Variants in TRPM3 observed in about 807,000 individuals in gnomAD.
TRPM3 encodes long transient receptor potential channel 3.
In TRPM3, 77 loss-of-function variants were observed where a neutral mutation model predicts 181.2. That is an observed-to-expected ratio of 0.42 (90% CI 0.35 to 0.51). TRPM3 has a LOEUF of 0.51. Among genes scored for constraint, TRPM3 ranks in the 20% least tolerant of loss-of-function variants. The pLI is 0.01. For synonymous variants in TRPM3, 745 were observed against 796.4 expected (o/e 0.94, Z 1.09); for missense variants, 1,759 against 2,196.7 (o/e 0.80, Z 3.98).
chr9:71,227,919 T>C (rs2080794286), intron 1 of TRPM3, among the ~76,000 whole-genome samples: 1 of 152,162 alleles, frequency 6.6e-6, no homozygotes, highest in South Asian at 2.1e-4. Flanking sequence ...AGAGAACTAA[T>C]AGAAACTCTA....
At chr9:71,351,941 T>A (rs2091660113) in intron 1 of TRPM3, among the ~76,000 whole-genome samples, 1 of 150,776 alleles carries the variant, frequency 6.6e-6, no homozygotes, top group Non-Finnish European at 1.5e-5. Context: ...TGTGGCGTGA[T>A]CTTGGCTCAC....
In TRPM3 at chr9:70,868,829, A is replaced by C. The variant is rs1313122514; in HGVS notation, c.178-4318T>G. Among the ~76,000 whole-genome samples the C allele has an allele frequency of 2.0e-5, 3 of 152,056 alleles. No individual in the cohort carries two copies. In the East Asian group the frequency reaches 5.8e-4, roughly 29 times the overall value. The stretch of plus-strand genomic sequence containing the variant: ...TTCAAATGTATACCCTGTCTTCATC[A>C]GAACAAACATCCCCAACCCAAAGGT... On this transcript the variant is annotated intron_variant, in intron 1 of 25. Transcript: ENST00000677713.
chr9:70,987,849 T>C (rs1338333939), intron 1 of TRPM3, among the ~76,000 whole-genome samples: 1 of 152,074 alleles, frequency 6.6e-6, no homozygotes, highest in Non-Finnish European at 1.5e-5. Flanking sequence ...TTAAAAATTT[T>C]ATTTTATGGA....
chr9:71,181,625 A>T (rs2077409409), intron 1 of TRPM3, among the ~76,000 whole-genome samples: 1 of 152,136 alleles, frequency 6.6e-6, no homozygotes, highest in African/African-American at 2.4e-5. Flanking sequence ...GAGGTAAATA[A>T]TATAATTATT....
intron 1 of TRPM3, among the ~76,000 whole-genome samples, chr9:71,437,094 C>T (rs1319316410): frequency 1.3e-5 from 2 of 152,196 alleles, no homozygotes; most frequent in African/African-American, 2.4e-5. Context: ...AAATTAATGC[C>T]ATCACACAGC....
chr9:70,663,647 T>C (rs1352792068), intron 9 of TRPM3, among the ~76,000 whole-genome samples: 1 of 152,238 alleles, frequency 6.6e-6, no homozygotes, highest in African/African-American at 2.4e-5. Flanking sequence ...GTTTTACACA[T>C]CTTTAAGACT....
At chr9:71,079,328 T>C (rs906550198) in intron 1 of TRPM3, among the ~76,000 whole-genome samples, 2 of 152,198 alleles carry the variant, frequency 1.3e-5, no homozygotes, top group Non-Finnish European at 2.9e-5. Flanking sequence ...AAGGAATGAT[T>C]GTGAGGGTAG....
chr9:70,837,814 A>C (rs1379715389), intron 5 of TRPM3, among the ~76,000 whole-genome samples: 1 of 152,202 alleles, frequency 6.6e-6, no homozygotes, highest in Non-Finnish European at 1.5e-5. Flanking sequence ...GTTTACAGTC[A>C]CAGATATGTG....
At chr9:71,019,108 A>G (rs2097817579) in intron 1 of TRPM3, among the ~76,000 whole-genome samples, 1 of 151,990 alleles carries the variant, frequency 6.6e-6, no homozygotes, top group Non-Finnish European at 1.5e-5. Flanking sequence ...TTCAAATGAT[A>G]AAGTTTATCT....
chr9:71,297,431 G>A (rs2086380987), intron 1 of TRPM3, among the ~76,000 whole-genome samples: 2 of 152,132 alleles, frequency 1.3e-5, no homozygotes, highest in Non-Finnish European at 2.9e-5. Context: ...AACGAAAGTG[G>A]TTTAATTGAC....
intron 1 of TRPM3, among the ~76,000 whole-genome samples, chr9:71,139,730 AAAT>A (rs1243765098): frequency 6.6e-6 from 1 of 152,196 alleles, no homozygotes; most frequent in East Asian, 1.9e-4. Context: ...CAGTGCTAAG[AAAT>A]AATAATAATC....
At chr9:71,093,525 A>G (rs1244778440) in intron 1 of TRPM3, among the ~76,000 whole-genome samples, 1 of 152,196 alleles carries the variant, frequency 6.6e-6, no homozygotes, top group East Asian at 1.9e-4. Context: ...TACAAATCAA[A>G]ACCGCAATGA....
intron 6 of TRPM3, among the ~76,000 whole-genome samples, chr9:70,819,799 T>C (rs568813631): frequency 1.8e-4 from 27 of 152,336 alleles, no homozygotes; most frequent in Middle Eastern, 6.8e-3. Flanking sequence ...TACCCAAGGT[T>C]GATGTTCACA....
intron 3 of TRPM3, among the ~76,000 whole-genome samples, chr9:70,852,162 A>AG (rs2095257111): frequency 7.0e-6 from 1 of 142,640 alleles, no homozygotes; most frequent in African/African-American, 2.6e-5. Context: ...AAAAGAGAGA[A>AG]AAAAAATCCC....
rs1038980285 is a variant in TRPM3 at position 71,104,334 on chromosome 9, C to T, written c.177+16844G>A. 3.3e-5 allele frequency among the ~76,000 whole-genome samples: 5 copies of T among 151,840 alleles called. No individual in the cohort carries two copies. The Admixed American group carries it at 3.3e-4, about 10-fold the overall frequency. Reference sequence around the variant, plus strand: ...TTCAGATAGTTAAATGTATAGCCTACTTTAGACTGATTTTCCTTAAAACCC... The same window carrying T: ...TTCAGATAGTTAAATGTATAGCCTATTTTAGACTGATTTTCCTTAAAACCC... On this transcript the variant is annotated intron_variant, in intron 1 of 25. Transcript: ENST00000677713.
At chr9:71,071,588 C>G (rs1212012286) in intron 1 of TRPM3, among the ~76,000 whole-genome samples, 1 of 152,192 alleles carries the variant, frequency 6.6e-6, no homozygotes, top group Non-Finnish European at 1.5e-5. Context: ...ATCCCACATC[C>G]TTTGCTAAAG....
intron 15 of TRPM3, 47 bp from the exon 16 acceptor site, chr9:70,620,412 T>A (rs1368775952): frequency 2.6e-6 from 4 of 1,557,752 alleles, no homozygotes; most frequent in Non-Finnish European, 3.5e-6. Flanking sequence ...AATGAATTGG[T>A]TCATTTCAGC....
rs1325977678 is a variant in TRPM3, at chr9:70,625,342, A to G, written c.1669-11T>C. The G allele has an allele frequency of 1.2e-6, 2 of 1,614,088 alleles. No individual in the cohort carries two copies. The highest frequency in any genetic ancestry group is 1.7e-6 in the Non-Finnish European group (2 of 1,179,978). On this transcript the variant is annotated splice_polypyrimidine_tract_variant and intron_variant, in intron 13 of 25. Coordinates refer to ENST00000677713, the MANE Select transcript of TRPM3 (RefSeq NM_001366145.2). This position sits in a 1 kb window ranked among gnomAD's most constrained non-coding sequence, Gnocchi z 4.8. ...TGGGGGCAGGTTCCCCTATCAGGGT[A>G]GAATGAAACAAACAGACAAATCCAA...
chr9:71,223,235 G>A (rs2080355300), intron 1 of TRPM3, among the ~76,000 whole-genome samples: 1 of 152,168 alleles, frequency 6.6e-6, no homozygotes, highest in African/African-American at 2.4e-5. Context: ...CAGAAGGACA[G>A]GGCACCAGTC....
Sources: allele counts gnomAD v4.1 joint callset (sites outside exome capture counted in the v4.1 genomes callset), GRCh38; gene constraint gnomAD v4.1.1; non-coding constraint Gnocchi (gnomAD v3.1); transcripts MANE v1.5; gene names NCBI Gene and HGNC (gene_info 2026-07-23, HGNC 2026-07-21).